Variants in NAT16 observed in about 807,000 individuals in gnomAD.
NAT16 encodes probable N-acetyltransferase 16.
A neutral mutation model predicts 15.9 loss-of-function variants in NAT16; 16 were observed. The ratio of observed to expected loss-of-function variants is 1.01; its 90% CI spans 0.68 to 1.53. The LOEUF is 1.53. Ranked by LOEUF, NAT16 falls within the 40% of genes most tolerant of loss-of-function variation. The pLI, the probability that NAT16 is intolerant of heterozygous loss-of-function variation, is 0.00. For missense variants in NAT16, 572 were observed against 508.4 expected (o/e 1.13, Z -1.20); for synonymous variants, 260 against 241.9 (o/e 1.07, Z -0.69).
rs1292077896 is a variant in NAT16 at position 101,172,637 on chromosome 7, G to A, written c.552C>T (p.Val184=). The change falls in exon 4 of 4, where the codon GTC becomes GTT. Residue 184 remains valine (V), a synonymous_variant. Coordinates refer to ENST00000300303, the MANE Select transcript of NAT16 (RefSeq NM_198571.3). This position sits in a 1 kb window ranked among gnomAD's most constrained non-coding sequence, Gnocchi z 4.2. ...RLITKQGILL[V]RFNASALLAG... ...CCAGCAGCGCGGACGCGTTGAATCG[G>A]ACCAAAAGGATGCCCTGCGGGGGGC... The A allele has an allele frequency of 6.6e-7, 1 of 1,516,862 alleles. No individual in the cohort carries two copies. Among genetic ancestry groups the A allele is most frequent in the Non-Finnish European group, 8.8e-7 (1 of 1,141,256 alleles). 94.0% of individuals were successfully genotyped at this position (1,516,862 alleles called of 1,614,324 possible). A position where few individuals can be genotyped will look rare whatever the true frequency, so the allele number is the denominator to read the frequency against.
chr7:101,173,462 A>G lies in NAT16; in HGVS notation c.371T>C (p.Leu124Pro). The G allele has an allele frequency of 6.2e-7, 1 of 1,611,824 alleles. No individual in the cohort carries two copies. The highest frequency in any genetic ancestry group is 2.2e-5 in the East Asian group (1 of 44,814). Reference sequence around the variant, plus strand: ...CCCGCGCTCCCAGGGCGCCACGCGCAGCCCCTCCACCAGCACCGTCTCCCC... The same window carrying G: ...CCCGCGCTCCCAGGGCGCCACGCGCGGCCCCTCCACCAGCACCGTCTCCCC... Reference protein sequence around the residue: ...DAGETVLVEGLRVAPWERGKG... With the variant: ...DAGETVLVEGPRVAPWERGKG... Residue 124 changes from leucine (L) to proline (P), a missense_variant, in exon 3 of 4, where the codon CTG (leucine) becomes CCG (proline). Coordinates refer to ENST00000300303, the MANE Select transcript of NAT16 (RefSeq NM_198571.3).
chr7:101,176,988 A>G (rs1276010688), intron 1 of NAT16, among the ~76,000 whole-genome samples: 2 of 152,160 alleles, frequency 1.3e-5, no homozygotes, highest in South Asian at 2.1e-4. Flanking sequence ...CTTCCAAGCC[A>G]TAAACAGAGC....
At chr7:101,174,178 C>A (rs1436371814) in intron 2 of NAT16, 6 of 444,674 alleles carry the variant, frequency 1.3e-5, no homozygotes, top group Non-Finnish European at 2.4e-5. Context: ...CTTCCTGCTC[C>A]CACCCCTAGC....
chr7:101,178,707 T>A, intron 1 of NAT16, among the ~76,000 whole-genome samples: 1 of 74,154 alleles, frequency 1.3e-5, no homozygotes, highest in South Asian at 4.4e-4. Context: ...ACCCTCTCTC[T>A]ACTAAAAAAA....
At position 101,172,975 on chromosome 7, in the gene NAT16, G is replaced by A. The variant is rs561998258; in HGVS notation, c.537+321C>T. On this transcript the variant is annotated intron_variant, in intron 3 of 3. Transcript: ENST00000300303. The surrounding 1 kb of genome is among the most constrained non-coding windows in gnomAD (Gnocchi z 4.2). ...GAAAGCCAGGGAGGCCGATCAGTCA[G>A]TAGGATTGGGAGGAGCAGAGGGAGG... Among the ~76,000 whole-genome samples the A allele has an allele frequency of 6.6e-6, 1 of 152,324 alleles. No individual in the cohort carries two copies. Among genetic ancestry groups the A allele is most frequent in the East Asian group, 1.9e-4 (1 of 5,170 alleles).
intron 2 of NAT16, 112 bp downstream of exon 2, chr7:101,174,384 C>A: frequency 7.3e-7 from 1 of 1,378,924 alleles, no homozygotes; most frequent in African/African-American, 1.5e-5. Flanking sequence ...GGCTCTATTT[C>A]CGCAGCCTCC....
At chr7:101,174,404 C>T in intron 2 of NAT16, 92 bp downstream of exon 2, 6 of 1,432,046 alleles carry the variant, frequency 4.2e-6, no homozygotes, top group South Asian at 1.4e-5. Context: ...CAGAGGAAGG[C>T]TGGGGAGAAG....
chr7:101,173,023 T>C (rs1440974629), intron 3 of NAT16, among the ~76,000 whole-genome samples: 1 of 152,080 alleles, frequency 6.6e-6, no homozygotes, highest in African/African-American at 2.4e-5. Flanking sequence ...AGGAGATGGC[T>C]TGGGGCCCTG....
chr7:101,174,443 G>C (rs572491056), intron 2 of NAT16, 53 bp downstream of exon 2: 4 of 1,515,816 alleles, frequency 2.6e-6, no homozygotes, highest in Non-Finnish European at 2.6e-6. Flanking sequence ...TAAGATCCAC[G>C]CACCCGCAGG....
At position 101,173,539 on chromosome 7, in the gene NAT16, A is replaced by T; in HGVS notation, c.313-19T>A. ...GCGCGATCTGCGGACCGAGGCCGTTAGCGCGGGGCCCTCCCCGCCTGCGCC... is the reference window on the plus strand; with the variant it reads ...GCGCGATCTGCGGACCGAGGCCGTTTGCGCGGGGCCCTCCCCGCCTGCGCC... On this transcript the variant is annotated intron_variant, in intron 2 of 3. Transcript: ENST00000300303. 1.3e-6 allele frequency: 2 copies of T among 1,546,434 alleles called. No homozygotes were observed. Among genetic ancestry groups the T allele is most frequent in the African/African-American group, 1.4e-5 (1 of 73,230 alleles).
intron 2 of NAT16, chr7:101,174,030 C>T (rs751019463): frequency 8.6e-6 from 2 of 231,450 alleles, no homozygotes; most frequent in Non-Finnish European, 1.7e-5. Flanking sequence ...GCGCCCGGCC[C>T]CTTCCACCTC....
Position 101,172,462 on chromosome 7 carries a change from T to C in NAT16, c.727A>G (p.Ile243Val), listed in dbSNP as rs1307860484. Residue 243 changes from isoleucine (I) to valine (V), a missense_variant, in exon 4 of 4, where the codon ATC (isoleucine) becomes GTC (valine). Physicochemically the swap from Ile to Val is conservative, Grantham distance 29. Coordinates refer to ENST00000300303, the MANE Select transcript of NAT16 (RefSeq NM_198571.3). The surrounding 1 kb of genome is among the most constrained non-coding windows in gnomAD (Gnocchi z 4.2). ...QRDVLPGGTI[I>V]QDWQPYRPSE... The stretch of plus-strand genomic sequence containing the variant: ...GGCCGGTAGGGCTGCCAGTCCTGGA[T>C]GATGGTCCCGCCTGGAAGCACGTCG... 1 of 1,600,906 alleles carries C rather than the reference T, an allele frequency of 6.2e-7. No homozygotes were observed. Among genetic ancestry groups the C allele is most frequent in the Non-Finnish European group, 8.5e-7 (1 of 1,177,282 alleles).
At position 101,171,163 on chromosome 7, in the gene NAT16, A is replaced by G. The variant is rs11975490; in HGVS notation, c.*916T>C. 0.14 allele frequency: 21,481 copies of G among 152,792 alleles called. 1,665 individuals carry two copies. Among genetic ancestry groups the G allele is most frequent in the South Asian group, 0.18 (882 of 4,910 alleles). The allele number at this position is 152,792 out of a possible 1,614,324, so 9.5% of individuals were successfully genotyped here. On this transcript the variant is annotated 3_prime_UTR_variant, in exon 4 of 4. Coordinates refer to ENST00000300303, the MANE Select transcript of NAT16 (RefSeq NM_198571.3). ...CTCCACTGTACCAAACTCTTCAGCT[A>G]GAACCACACCACACACACACCACCA...
At position 101,172,244 on chromosome 7, in the gene NAT16, C is replaced by G. The variant is rs768491747; in HGVS notation, c.945G>C (p.Trp315Cys). The G allele has an allele frequency of 1.2e-6, 2 of 1,613,270 alleles. No individual in the cohort carries two copies. The highest frequency in any genetic ancestry group is 2.2e-5 in the South Asian group (2 of 91,058). ...GGCGCGGGGCCTGGCGCTGCAGGTG[C>G]CACAGCAGCTGGCTCTGCACCTGCG... ...DGAQVQSQLLWHLQRQAPRLV... is the reference protein window; with the variant it reads ...DGAQVQSQLLCHLQRQAPRLV... Residue 315 changes from tryptophan to cysteine, a missense_variant, in exon 4 of 4, where the codon TGG (tryptophan) becomes TGC (cysteine). Physicochemically the swap from Trp to Cys is radical, Grantham distance 215 (BLOSUM62 -2). Coordinates refer to ENST00000300303, the MANE Select transcript of NAT16 (RefSeq NM_198571.3). The surrounding 1 kb of genome is among the most constrained non-coding windows in gnomAD (Gnocchi z 4.2).
Position 101,171,868 on chromosome 7 carries a change from G to T in NAT16, c.*211C>A. On this transcript the variant is annotated 3_prime_UTR_variant, in exon 4 of 4. Transcript: ENST00000300303. ...CTAATAGTCCGCAAGTTCAGGTCAG[G>T]GAGTGGGCAATGGTGTTTGGGGGAG... is the stretch of plus-strand genomic sequence containing the variant. 1.8e-6 allele frequency: 1 copy of T among 559,180 alleles called. No homozygotes were observed. Among genetic ancestry groups the T allele is most frequent in the East Asian group, 3.2e-5 (1 of 31,508 alleles). 34.6% of individuals were successfully genotyped at this position (559,180 alleles called of 1,614,324 possible).
At chr7:101,178,177 T>C (rs1001487809) in intron 1 of NAT16, among the ~76,000 whole-genome samples, 1 of 152,104 alleles carries the variant, frequency 6.6e-6, no homozygotes, top group Non-Finnish European at 1.5e-5. Flanking sequence ...TTGTTTGTCG[T>C]GGGAGGTAAG....
At chr7:101,175,181 C>T (rs1276363954) in intron 1 of NAT16, among the ~76,000 whole-genome samples, 3 of 152,138 alleles carry the variant, frequency 2.0e-5, no homozygotes, top group African/African-American at 7.2e-5. Flanking sequence ...TCTTGAATTC[C>T]TGACTTCAGG....
intron 1 of NAT16, among the ~76,000 whole-genome samples, chr7:101,175,817 G>A (rs1328196303): frequency 2.0e-5 from 3 of 151,808 alleles, no homozygotes; most frequent in African/African-American, 4.8e-5. Context: ...CAGCTGCTCT[G>A]AGGCTGAAGT....
In NAT16 at chr7:101,178,642, G is replaced by A. The variant is rs112365249; in HGVS notation, c.-5+1400C>T. On this transcript the variant is annotated intron_variant, in intron 1 of 3. Coordinates refer to ENST00000300303, the MANE Select transcript of NAT16 (RefSeq NM_198571.3). ...AATCCCACCACTTTGGGAAGCCAAG[G>A]GAGGCGGATCATCTGAGGTCAGGAG... Among the ~76,000 whole-genome samples the A allele has an allele frequency of 4.6e-3, 692 of 149,308 alleles. 5 individuals carry two copies. Among genetic ancestry groups the A allele is most frequent in the African/African-American group, 0.016 (658 of 40,774 alleles).
Sources: allele counts gnomAD v4.1 joint callset (sites outside exome capture counted in the v4.1 genomes callset), GRCh38; gene constraint gnomAD v4.1.1; non-coding constraint Gnocchi (gnomAD v3.1); transcripts MANE v1.5; gene names NCBI Gene and HGNC (gene_info 2026-07-23, HGNC 2026-07-21).